Variants in GLRB observed in about 807,000 individuals in gnomAD.
GLRB encodes the protein glycine receptor subunit beta.
A neutral mutation model predicts 54.2 loss-of-function variants in GLRB; 33 were observed. The ratio of observed to expected loss-of-function variants is 0.61; its 90% CI spans 0.46 to 0.81. The LOEUF is 0.81. Among genes scored for constraint, GLRB ranks in the 40% least tolerant of loss-of-function variants. The probability of loss-of-function intolerance (pLI) is 0.00; values close to 1 mark genes in which losing one functional copy is unlikely to be tolerated. For missense variants in GLRB, 572 were observed against 584.6 expected (o/e 0.98, Z 0.22); for synonymous variants, 209 against 208.2 (o/e 1.00, Z -0.03).
chr4:157,150,562 A>G (rs550684870), intron 8 of GLRB, among the ~76,000 whole-genome samples: 27 of 152,190 alleles, frequency 1.8e-4, no homozygotes, highest in Non-Finnish European at 2.6e-4. Flanking sequence ...TCAGACATCT[A>G]TTTGAATGAT....
intron 9 of GLRB, among the ~76,000 whole-genome samples, chr4:157,154,967 C>A (rs1419314347): frequency 6.6e-6 from 1 of 152,132 alleles, no homozygotes; most frequent in Non-Finnish European, 1.5e-5. Flanking sequence ...TTAAATACTT[C>A]TGCATACATT....
At chr4:157,159,319 T>C (rs1465612517) in intron 9 of GLRB, among the ~76,000 whole-genome samples, 3 of 152,166 alleles carry the variant, frequency 2.0e-5, no homozygotes, top group Non-Finnish European at 2.9e-5. Context: ...TGAATACCTT[T>C]TATTTCTTTC....
chr4:157,129,552 G>A (rs1736135893), intron 4 of GLRB, among the ~76,000 whole-genome samples: 1 of 151,648 alleles, frequency 6.6e-6, no homozygotes, highest in Admixed American at 6.6e-5. Context: ...AACTTGCGTG[G>A]AATCATAGTA....
rs187463452 is a variant in GLRB at position 157,089,425 on chromosome 4, A to G, written c.122+11279A>G. 1.8e-4 allele frequency among the ~76,000 whole-genome samples: 28 copies of G among 152,188 alleles called. 1 individual carries two copies. The highest frequency in any genetic ancestry group is 5.5e-4 in the African/African-American group (23 of 41,492). ...GTTTCAAAGAAATAAGTAAATGAAGATACGAATTTTATTATTTTAAAACAA... is the reference window on the plus strand; with the variant it reads ...GTTTCAAAGAAATAAGTAAATGAAGGTACGAATTTTATTATTTTAAAACAA... On this transcript the variant is annotated intron_variant, in intron 2 of 9. Transcript: ENST00000264428.
intron 2 of GLRB, among the ~76,000 whole-genome samples, chr4:157,092,880 T>C (rs1299044564): frequency 6.6e-6 from 1 of 152,202 alleles, no homozygotes; most frequent in Admixed American, 6.5e-5. Flanking sequence ...CCTTGTTTAT[T>C]TGGAAGTCTC....
chr4:157,083,654 G>T (rs536859343), intron 2 of GLRB, among the ~76,000 whole-genome samples: 1 of 152,178 alleles, frequency 6.6e-6, no homozygotes, highest in East Asian at 1.9e-4. Flanking sequence ...AACCCACAGA[G>T]AATTATGTTT....
intron 6 of GLRB, 88 bp from the exon 7 acceptor site, chr4:157,138,721 T>G (rs1055939228): frequency 1.5e-4 from 110 of 733,052 alleles, no homozygotes; most frequent in Non-Finnish European, 2.1e-4. Flanking sequence ...TTCTTTCCTT[T>G]GCTATGTTTA....
chr4:157,139,190 T>A (rs1391126081), intron 7 of GLRB, among the ~76,000 whole-genome samples: 3 of 152,108 alleles, frequency 2.0e-5, no homozygotes, highest in African/African-American at 7.2e-5. Context: ...TGGTGAGAGG[T>A]TTTTGTTTAT....
At chr4:157,088,417 C>T (rs116822945) in intron 2 of GLRB, among the ~76,000 whole-genome samples, 1 of 152,040 alleles carries the variant, frequency 6.6e-6, no homozygotes, top group African/African-American at 2.4e-5. Context: ...TTTCAGTGAT[C>T]TAGAATCTTG....
At chr4:157,158,972 G>A (rs1737352411) in intron 9 of GLRB, among the ~76,000 whole-genome samples, 1 of 152,156 alleles carries the variant, frequency 6.6e-6, no homozygotes, top group Non-Finnish European at 1.5e-5. Context: ...AGCATGGAAT[G>A]TTCTTCCATT....
intron 2 of GLRB, chr4:157,084,810 G>T: frequency 2.6e-6 from 1 of 389,042 alleles, no homozygotes; most frequent in South Asian, 1.9e-5. Flanking sequence ...TATTCTGACT[G>T]TTTTGTCTCC....
In GLRB at chr4:157,109,236, A is replaced by G. The variant is rs115023736; in HGVS notation, c.123-11320A>G. 4.0e-3 allele frequency among the ~76,000 whole-genome samples: 605 copies of G among 152,152 alleles called. 8 individuals carry two copies. The highest frequency in any genetic ancestry group is 0.014 in the African/African-American group (586 of 41,530). On this transcript the variant is annotated intron_variant, in intron 2 of 9. Transcript: ENST00000264428. ...TCTGTCTTTCTGGAGAAACTGGACTAATACAATTTGTGTGTATTACTTTAG... is the reference window on the plus strand; with the variant it reads ...TCTGTCTTTCTGGAGAAACTGGACTGATACAATTTGTGTGTATTACTTTAG...
At chr4:157,117,616 A>T (rs549916982) in intron 2 of GLRB, among the ~76,000 whole-genome samples, 2 of 151,760 alleles carry the variant, frequency 1.3e-5, no homozygotes, top group Non-Finnish European at 1.5e-5. Context: ...GGGGGAAGTC[A>T]TTACTCCTAA....
intron 2 of GLRB, among the ~76,000 whole-genome samples, chr4:157,100,478 A>G (rs1419164802): frequency 6.6e-6 from 1 of 152,144 alleles, no homozygotes; most frequent in Non-Finnish European, 1.5e-5. Flanking sequence ...ACACTCCCCT[A>G]TTACTAAGGC....
intron 2 of GLRB, among the ~76,000 whole-genome samples, chr4:157,117,569 G>T (rs1223343007): frequency 6.6e-6 from 1 of 151,668 alleles, no homozygotes; most frequent in Non-Finnish European, 1.5e-5. Flanking sequence ...CTTGCTAGTA[G>T]TTCAGCAATG....
At chr4:157,147,939 G>C (rs955224661) in intron 8 of GLRB, among the ~76,000 whole-genome samples, 4 of 152,168 alleles carry the variant, frequency 2.6e-5, no homozygotes, top group African/African-American at 9.7e-5. Flanking sequence ...GAACGAGTAT[G>C]GATGTGTTAA....
chr4:157,150,281 C>A (rs1426346491), intron 8 of GLRB, among the ~76,000 whole-genome samples: 5 of 151,980 alleles, frequency 3.3e-5, no homozygotes, highest in African/African-American at 1.2e-4. Context: ...TATTATAATA[C>A]GATTTTCCAA....
intron 2 of GLRB, among the ~76,000 whole-genome samples, chr4:157,099,314 G>T (rs1734929000): frequency 1.3e-5 from 2 of 151,532 alleles, no homozygotes; most frequent in Non-Finnish European, 1.5e-5. Flanking sequence ...TCAGTCTGGG[G>T]TCATTATGAC....
rs766014355 is a variant in GLRB at position 157,136,650 on chromosome 4, A to T, written c.479A>T (p.Asn160Ile). Residue 160 changes from asparagine to isoleucine, a missense_variant, in exon 5 of 10, where the codon AAC (asparagine) becomes ATC (isoleucine). By Grantham distance (149) the Asn-to-Ile change is moderately radical. Coordinates refer to ENST00000264428, the MANE Select transcript of GLRB (RefSeq NM_000824.5). ...AATTTTCATGATGTGACCCAGGAAA[A>T]CATCCTCCTCTTTATTTTTCGTGAT... is the stretch of plus-strand genomic sequence containing the variant. ...SANFHDVTQE[N>I]ILLFIFRDGD... The T allele has an allele frequency of 6.2e-7, 1 of 1,613,168 alleles. No individual in the cohort carries two copies.
Sources: gnomAD v4.1 joint callset for allele counts (sites outside exome capture counted in the v4.1 genomes callset) on GRCh38, gnomAD v4.1.1 for gene constraint, MANE v1.5 for transcripts, NCBI Gene and HGNC (gene_info 2026-07-23, HGNC 2026-07-21) for gene names.